Variants in SPTBN1 observed in about 807,000 individuals in gnomAD.
SPTBN1 encodes spectrin beta chain, non-erythrocytic 1.
In SPTBN1, 32 loss-of-function variants were observed where a neutral mutation model predicts 266.4. The observed-to-expected ratio is 0.12, with a 90% CI of 0.09 to 0.16. The LOEUF is 0.16. Ranked by LOEUF, SPTBN1 falls within the 10% of genes least tolerant of loss-of-function variation. The pLI is 1.00. For synonymous variants in SPTBN1, 1,336 were observed against 1,162.2 expected, an observed-to-expected ratio of 1.15 and a Z score of -3.04; for missense variants, 2,296 against 3,067.1, an observed-to-expected ratio of 0.75 and a Z score of 5.94.
intron 1 of SPTBN1, among the ~76,000 whole-genome samples, chr2:54,484,096 G>C (rs1237307279): frequency 6.6e-6 from 1 of 152,148 alleles, no homozygotes; most frequent in East Asian, 1.9e-4. Context: ...TGAGGTTGGA[G>C]GATTACTTGA....
rs745349723 is a variant in SPTBN1, at chr2:54,626,283, T to C, written c.1644+49T>C. The C allele has an allele frequency of 3.2e-6, 5 of 1,562,508 alleles. No individual in the cohort carries two copies. Among genetic ancestry groups the C allele is most frequent in the Non-Finnish European group, 4.3e-6 (5 of 1,152,272 alleles). ...ACGACAGAGCTGATCCAACCAGGGC[T>C]CTCTTTTCTGTGACTCATTCACTAA... On this transcript the variant is annotated intron_variant, in intron 12 of 35. Coordinates refer to ENST00000356805, the MANE Select transcript of SPTBN1 (RefSeq NM_003128.3). The surrounding 1 kb of genome is among the most constrained non-coding windows in gnomAD (Gnocchi z 4.7).
intron 2 of SPTBN1, chr2:54,529,541 C>T (rs769703295): frequency 1.4e-6 from 1 of 712,854 alleles, no homozygotes; most frequent in Non-Finnish European, 2.6e-6. Flanking sequence ...GAAGACCACC[C>T]CCAGGAGAAA....
chr2:54,664,298 G>A lies in SPTBN1; in HGVS notation c.6421-155G>A, dbSNP rs1177409254. On this transcript the variant is annotated intron_variant, in intron 32 of 35. Coordinates refer to ENST00000356805, the MANE Select transcript of SPTBN1 (RefSeq NM_003128.3). This position sits in a 1 kb window ranked among gnomAD's most constrained non-coding sequence, Gnocchi z 5.6. ...ATTCCCACCTTCTAATGTCCTTGATGTCCAGCTGGCTTTGTGGGTGTGCAA... is the reference window on the plus strand; with the variant it reads ...ATTCCCACCTTCTAATGTCCTTGATATCCAGCTGGCTTTGTGGGTGTGCAA... The A allele has an allele frequency of 1.4e-5, 10 of 726,216 alleles. No homozygotes were observed. Among genetic ancestry groups the A allele is most frequent in the Non-Finnish European group, 2.1e-5 (9 of 432,648 alleles). 45.0% of individuals were successfully genotyped at this position (726,216 alleles called of 1,614,324 possible). A position where few individuals can be genotyped will look rare whatever the true frequency, so the allele number is the denominator to read the frequency against.
intron 34 of SPTBN1, 136 bp downstream of exon 34, chr2:54,666,224 A>C: frequency 1.1e-6 from 1 of 933,586 alleles, no homozygotes; most frequent in Non-Finnish European, 1.5e-6. Flanking sequence ...AAAGTGAAAA[A>C]CCAGTTTGGC....
chr2:54,650,962 C>T (rs1319993147), intron 26 of SPTBN1, among the ~76,000 whole-genome samples: 1 of 152,160 alleles, frequency 6.6e-6, no homozygotes, highest in African/African-American at 2.4e-5. Context: ...TCTCACTTCC[C>T]CTTAATTCTT....
rs1052955 is a variant in SPTBN1, at chr2:54,668,684, T to A, written c.*115T>A. ...TAATGTTCCTCAATGTGGTTGATTTTTTTTTTTTTTTAATTTATAGAGCAT... is the reference window on the plus strand; with the variant it reads ...TAATGTTCCTCAATGTGGTTGATTTATTTTTTTTTTTAATTTATAGAGCAT... On this transcript the variant is annotated 3_prime_UTR_variant, in exon 36 of 36. Transcript: ENST00000356805. 363 of 965,516 alleles carry A rather than the reference T, an allele frequency of 3.8e-4. No homozygotes were observed. In the African/African-American group the frequency reaches 5.0e-3, roughly 13 times the overall value. 59.8% of individuals were successfully genotyped at this position (965,516 alleles called of 1,614,324 possible).
At chr2:54,467,943 T>G (rs1006393599) in intron 1 of SPTBN1, among the ~76,000 whole-genome samples, 2 of 152,140 alleles carry the variant, frequency 1.3e-5, no homozygotes, top group Non-Finnish European at 2.9e-5. Flanking sequence ...ATATGGAAAC[T>G]AAAGATGAAT....
chr2:54,629,147 C>A lies in SPTBN1; in HGVS notation c.2013C>A (p.Thr671=), dbSNP rs764838286. The change falls in exon 14 of 36, where the codon ACC becomes ACA. Residue 671 remains threonine, a synonymous_variant. Coordinates refer to ENST00000356805, the MANE Select transcript of SPTBN1 (RefSeq NM_003128.3). ...LSSDDYGKDL[T]SVMRLLSKHR... ...CGGACGATTACGGGAAAGACCTGAC[C>A]AGCGTCATGCGCCTGCTCAGCAAGC... is the stretch of plus-strand genomic sequence containing the variant. 3 of 1,613,568 alleles carry A rather than the reference C, an allele frequency of 1.9e-6. No individual in the cohort carries two copies. Among genetic ancestry groups the A allele is most frequent in the Non-Finnish European group, 2.5e-6 (3 of 1,179,896 alleles).
At chr2:54,660,123 A>G (rs761285830) in intron 32 of SPTBN1, 124 bp downstream of exon 32, 49 of 1,593,472 alleles carry the variant, frequency 3.1e-5, no homozygotes, top group Non-Finnish European at 4.0e-5. Context: ...CCCTTTCCAA[A>G]TCCTCTGGGT....
intron 2 of SPTBN1, among the ~76,000 whole-genome samples, chr2:54,530,300 CA>C (rs1671138418): frequency 6.7e-6 from 1 of 149,896 alleles, no homozygotes; most frequent in African/African-American, 2.5e-5. Context: ...TACTAATTCT[CA>C]CCCAGTTGAC....
At chr2:54,548,526 C>G (rs546683195) in intron 2 of SPTBN1, among the ~76,000 whole-genome samples, 379 of 152,276 alleles carry the variant, frequency 2.5e-3, no homozygotes, top group Non-Finnish European at 4.2e-3. Context: ...GTGAGTTTTC[C>G]CTGATTCCAA....
At chr2:54,522,688 A>AGT in intron 1 of SPTBN1, among the ~76,000 whole-genome samples, 1 of 141,882 alleles carries the variant, frequency 7.0e-6, no homozygotes, top group Admixed American at 7.2e-5. Flanking sequence ...GGAGAGAGAG[A>AGT]GAGAGAGAGA....
chr2:54,469,322 T>C (rs1693798993), intron 1 of SPTBN1, among the ~76,000 whole-genome samples: 1 of 152,230 alleles, frequency 6.6e-6, no homozygotes, highest in Admixed American at 6.5e-5. Flanking sequence ...TGGGGGTTGC[T>C]GTTAGTCTCA....
At chr2:54,581,902 A>C (rs1674939035) in intron 2 of SPTBN1, among the ~76,000 whole-genome samples, 1 of 152,170 alleles carries the variant, frequency 6.6e-6, no homozygotes. Context: ...ACTTGCCTCC[A>C]AATCCTACTG....
chr2:54,589,511 A>G (rs1018632603), intron 2 of SPTBN1, among the ~76,000 whole-genome samples: 1 of 152,244 alleles, frequency 6.6e-6, no homozygotes, highest in African/African-American at 2.4e-5. Context: ...TAGTCGGCCC[A>G]TCAGACAGTT....
At chr2:54,601,886 C>G (rs781254334) in intron 3 of SPTBN1, among the ~76,000 whole-genome samples, 1 of 152,160 alleles carries the variant, frequency 6.6e-6, no homozygotes, top group Non-Finnish European at 1.5e-5. Flanking sequence ...CTCACCCCAC[C>G]CTGGATTTTG....
intron 3 of SPTBN1, among the ~76,000 whole-genome samples, chr2:54,601,366 G>A (rs1416374060): frequency 4.6e-5 from 7 of 152,100 alleles, no homozygotes; most frequent in Non-Finnish European, 7.4e-5. Flanking sequence ...CTTTGGCCTC[G>A]TAGTCTGTTT....
chr2:54,471,924 A>G (rs541661498), intron 1 of SPTBN1, among the ~76,000 whole-genome samples: 1 of 139,248 alleles, frequency 7.2e-6, no homozygotes, highest in African/African-American at 2.8e-5. Flanking sequence ...TTAGCACATT[A>G]TCTGAAACTT....
At chr2:54,464,123 T>C (rs1163495187) in intron 1 of SPTBN1, among the ~76,000 whole-genome samples, 1 of 152,192 alleles carries the variant, frequency 6.6e-6, no homozygotes, top group Non-Finnish European at 1.5e-5. Context: ...GGAAAACAGT[T>C]GGGTTATATA....
Sources: allele counts gnomAD v4.1 joint callset (sites outside exome capture counted in the v4.1 genomes callset), GRCh38; gene constraint gnomAD v4.1.1; non-coding constraint Gnocchi (gnomAD v3.1); transcripts MANE v1.5; gene names NCBI Gene and HGNC (gene_info 2026-07-23, HGNC 2026-07-21).